The following CEP112 variants were observed in gnomAD, a reference collection of about 807,000 sequenced individuals.
CEP112 encodes the protein centrosomal protein of 112 kDa.
In CEP112, 127 loss-of-function variants were observed where a neutral mutation model predicts 153.0. That is an observed-to-expected ratio of 0.83 (90% CI 0.72 to 0.96). The LOEUF (loss-of-function observed/expected upper bound fraction) is 0.96, where lower values mean the gene tolerates loss of function less well. Ranked by LOEUF, CEP112 falls within the 40% of genes least tolerant of loss-of-function variation. The probability of loss-of-function intolerance (pLI) is 0.00; values close to 1 mark genes in which losing one functional copy is unlikely to be tolerated. For missense variants in CEP112, 1,089 were observed against 1,101.2 expected (o/e 0.99, Z 0.16); for synonymous variants, 358 against 374.4 (o/e 0.96, Z 0.51).
chr17:65,783,419 C>A (rs962758047), intron 21 of CEP112, among the ~76,000 whole-genome samples: 4 of 152,020 alleles, frequency 2.6e-5, no homozygotes, highest in South Asian at 2.1e-4. Context: ...CTTATGTGAC[C>A]CAGCAATTAC....
intron 12 of CEP112, among the ~76,000 whole-genome samples, chr17:66,040,657 ATTG>A (rs2065935176): frequency 6.6e-6 from 1 of 150,746 alleles, no homozygotes; most frequent in Admixed American, 6.6e-5. Flanking sequence ...CGCTTGGCGA[ATTG>A]TTGTATTTTT....
At chr17:66,128,287 A>G (rs2069949294) in intron 6 of CEP112, among the ~76,000 whole-genome samples, 1 of 131,196 alleles carries the variant, frequency 7.6e-6, no homozygotes, top group South Asian at 2.6e-4. Context: ...TGTGCGACAC[A>G]GCAAGATTCT....
intron 17 of CEP112, among the ~76,000 whole-genome samples, chr17:65,971,625 C>G (rs987268071): frequency 1.3e-5 from 2 of 151,904 alleles, no homozygotes; most frequent in South Asian, 4.2e-4. Context: ...ATGTATATCC[C>G]ATGCATATTG....
chr17:65,717,696 C>G lies in CEP112; in HGVS notation c.2607+25372G>C, dbSNP rs28516581. Among the ~76,000 whole-genome samples the G allele has an allele frequency of 2.0e-5, 3 of 152,276 alleles. No individual in the cohort carries two copies. In the South Asian group the frequency reaches 6.2e-4, roughly 32 times the overall value. On this transcript the variant is annotated intron_variant, in intron 23 of 26. Transcript: ENST00000535342. Reference sequence around the variant, plus strand: ...TGTTTTTCTTCTCAAACCCTGTATCCCAAACTCTCACAGCTTTTGAGTTTT... The same window carrying G: ...TGTTTTTCTTCTCAAACCCTGTATCGCAAACTCTCACAGCTTTTGAGTTTT...
intron 16 of CEP112, among the ~76,000 whole-genome samples, chr17:66,024,129 T>C (rs1046171646): frequency 6.6e-6 from 1 of 152,040 alleles, no homozygotes; most frequent in African/African-American, 2.4e-5. Flanking sequence ...ACCCTAATGA[T>C]AAAAACCTTC....
chr17:65,843,119 C>A (rs1278662009), intron 21 of CEP112, among the ~76,000 whole-genome samples: 1 of 152,076 alleles, frequency 6.6e-6, no homozygotes, highest in Non-Finnish European at 1.5e-5. Flanking sequence ...TTAGGTCATT[C>A]AAAAGCACAT....
At chr17:65,971,415 A>AGCACATATATTGGATGCATTGATGTAT (rs148309566) in intron 17 of CEP112, among the ~76,000 whole-genome samples, 1 of 151,416 alleles carries the variant, frequency 6.6e-6, no homozygotes. Flanking sequence ...GCACCCATGC[A>AGCACATATATTGGATGCATTGATGTAT]GCATGCTGCA....
intron 21 of CEP112, among the ~76,000 whole-genome samples, chr17:65,816,718 T>A (rs1474565452): frequency 6.6e-6 from 1 of 152,016 alleles, no homozygotes; most frequent in Non-Finnish European, 1.5e-5. Context: ...GTTAAGTGAT[T>A]TTTTGTGTGT....
At chr17:65,733,734 G>A (rs991033929) in intron 23 of CEP112, among the ~76,000 whole-genome samples, 5 of 152,136 alleles carry the variant, frequency 3.3e-5, no homozygotes, top group Non-Finnish European at 7.4e-5. Flanking sequence ...TGATTTATGA[G>A]GGAACATCAT....
intron 6 of CEP112, among the ~76,000 whole-genome samples, chr17:66,106,381 A>C (rs1447491624): frequency 6.6e-6 from 1 of 152,136 alleles, no homozygotes; most frequent in Non-Finnish European, 1.5e-5. Flanking sequence ...CAAGAGATCA[A>C]ATCAACAAGC....
intron 21 of CEP112, among the ~76,000 whole-genome samples, chr17:65,776,707 G>C (rs2053699665): frequency 6.6e-6 from 1 of 152,116 alleles, no homozygotes; most frequent in South Asian, 2.1e-4. Context: ...TTGCACCACT[G>C]ATTATATTTT....
intron 20 of CEP112, among the ~76,000 whole-genome samples, chr17:65,898,023 C>T (rs1568189189): frequency 6.6e-6 from 1 of 152,012 alleles, no homozygotes; most frequent in African/African-American, 2.4e-5. Context: ...AAAATTTCCG[C>T]TTAACTGTAA....
At chr17:65,794,331 A>G (rs988306229) in intron 21 of CEP112, among the ~76,000 whole-genome samples, 1 of 152,238 alleles carries the variant, frequency 6.6e-6, no homozygotes, top group Non-Finnish European at 1.5e-5. Context: ...CATAGCTTCA[A>G]TCTTTCTCCT....
At chr17:65,786,948 A>C (rs972877042) in intron 21 of CEP112, among the ~76,000 whole-genome samples, 2 of 152,164 alleles carry the variant, frequency 1.3e-5, no homozygotes, top group African/African-American at 4.8e-5. Flanking sequence ...GGCGTGTGTC[A>C]GAAATGAAGA....
At chr17:66,050,251 G>T (rs772363270) in intron 12 of CEP112, among the ~76,000 whole-genome samples, 1 of 152,060 alleles carries the variant, frequency 6.6e-6, no homozygotes, top group Non-Finnish European at 1.5e-5. Context: ...AAGGTATTTC[G>T]CATTTTTTCT....
chr17:66,061,110 T>C (rs994799208), intron 11 of CEP112, among the ~76,000 whole-genome samples: 1 of 152,038 alleles, frequency 6.6e-6, no homozygotes, highest in African/African-American at 2.4e-5. Flanking sequence ...TAATGACTTA[T>C]TTAGGCCAAG....
chr17:66,129,699 T>C (rs367780065), intron 6 of CEP112, 47 bp downstream of exon 6: 32 of 1,279,184 alleles, frequency 2.5e-5, no homozygotes, highest in Non-Finnish European at 3.2e-5. Context: ...ACATACAATA[T>C]GATTTTGACA....
At chr17:66,123,031 C>G (rs539638333) in intron 6 of CEP112, among the ~76,000 whole-genome samples, 1 of 152,290 alleles carries the variant, frequency 6.6e-6, no homozygotes, top group African/African-American at 2.4e-5. Flanking sequence ...TGCCTCTCCC[C>G]CTGTACAAAA....
chr17:66,030,843 G>T lies in CEP112; in HGVS notation c.1219-820C>A, dbSNP rs563207169. Among the ~76,000 whole-genome samples, 8 of 152,232 alleles carry T rather than the reference G, an allele frequency of 5.3e-5. No homozygotes were observed. In the South Asian group the frequency reaches 1.7e-3, roughly 32 times the overall value. ...TAATAAGTGTGAGCAATAAGGATAG[G>T]TTAGTATGATGTTGCACTCAACTAT... On this transcript the variant is annotated intron_variant, in intron 12 of 26. Coordinates refer to ENST00000535342, the MANE Select transcript of CEP112 (RefSeq NM_001199165.4).
Sources: gnomAD v4.1 joint callset for allele counts (sites outside exome capture counted in the v4.1 genomes callset) on GRCh38, gnomAD v4.1.1 for gene constraint, MANE v1.5 for transcripts, NCBI Gene and HGNC (gene_info 2026-07-23, HGNC 2026-07-21) for gene names.